Variants in CSMD1 observed in about 807,000 individuals in gnomAD.
CSMD1 encodes the protein CUB and sushi domain-containing protein 1.
A neutral mutation model predicts 417.5 loss-of-function variants in CSMD1; 213 were observed. The ratio of observed to expected loss-of-function variants is 0.51; its 90% CI spans 0.46 to 0.57. The LOEUF is 0.57. CSMD1 is among the 20% of genes least tolerant of loss of function. CSMD1 has a pLI of 0.00. For synonymous variants in CSMD1, 2,862 were observed against 1,736.8 expected, an observed-to-expected ratio of 1.65 and a Z score of -16.11; for missense variants, 6,923 against 4,529.7, an observed-to-expected ratio of 1.53 and a Z score of -15.17.
chr8:3,156,986 C>CAA (rs869173951), intron 39 of CSMD1, among the ~76,000 whole-genome samples: 2,059 of 64,272 alleles, frequency 0.032, 68 homozygotes, highest in African/African-American at 0.068. Flanking sequence ...GTTGTTTAGA[C>CAA]AAAAAAAAAA....
At chr8:4,486,505 T>C (rs1801425022) in intron 2 of CSMD1, among the ~76,000 whole-genome samples, 1 of 151,912 alleles carries the variant, frequency 6.6e-6, no homozygotes, top group Non-Finnish European at 1.5e-5. Flanking sequence ...AAATTAGTGA[T>C]GTTTATATTG....
At position 4,427,374 on chromosome 8, in the gene CSMD1, C is replaced by G. The variant is rs891725796; in HGVS notation, c.303-7309G>C. 1.1e-4 allele frequency among the ~76,000 whole-genome samples: 16 copies of G among 152,000 alleles called. No homozygotes were observed. The East Asian group carries it at 1.5e-3, about 15-fold the overall frequency. On this transcript the variant is annotated intron_variant, in intron 2 of 69. Transcript: ENST00000635120. ...GGACACGGCAGAGGGTGATCTGGAA[C>G]CAGGTGCTTTATCAACCCCTAGGTA...
At chr8:4,209,722 C>A (rs921033872) in intron 3 of CSMD1, among the ~76,000 whole-genome samples, 1 of 152,182 alleles carries the variant, frequency 6.6e-6, no homozygotes, top group African/African-American at 2.4e-5. Context: ...TTGACTGAAG[C>A]AGCACCAGAT....
At chr8:4,804,473 T>A (rs1003156820) in intron 1 of CSMD1, among the ~76,000 whole-genome samples, 6 of 148,280 alleles carry the variant, frequency 4.0e-5, no homozygotes, top group African/African-American at 1.5e-4. Context: ...TTTTTTTTTA[T>A]TTAAAAAGGG....
intron 7 of CSMD1, among the ~76,000 whole-genome samples, chr8:3,624,752 T>C (rs188629830): frequency 1.4e-3 from 216 of 152,346 alleles, no homozygotes; most frequent in African/African-American, 4.9e-3. Context: ...ACTTCAGACC[T>C]TCCTGCTTTA....
At chr8:4,604,316 T>C (rs1196072206) in intron 2 of CSMD1, among the ~76,000 whole-genome samples, 1 of 151,314 alleles carries the variant, frequency 6.6e-6, no homozygotes, top group African/African-American at 2.4e-5. Context: ...GAATATGCAT[T>C]AAATGGTTAT....
At chr8:3,921,243 C>T (rs549285075) in intron 5 of CSMD1, among the ~76,000 whole-genome samples, 5 of 152,060 alleles carry the variant, frequency 3.3e-5, no homozygotes, top group African/African-American at 9.7e-5. Context: ...ATTTATATTT[C>T]TGTAATACCT....
chr8:3,130,837 T>C (rs561041228), intron 41 of CSMD1, among the ~76,000 whole-genome samples: 3 of 152,318 alleles, frequency 2.0e-5, no homozygotes, highest in Non-Finnish European at 4.4e-5. Context: ...CTGCAGCCTC[T>C]ATGGCTGCAA....
At chr8:4,249,140 A>C (rs1317496270) in intron 3 of CSMD1, among the ~76,000 whole-genome samples, 1 of 152,220 alleles carries the variant, frequency 6.6e-6, no homozygotes, top group Non-Finnish European at 1.5e-5. Flanking sequence ...TTCGTGGGAA[A>C]ATATAATCTT....
At chr8:4,187,326 T>G (rs1200649943) in intron 3 of CSMD1, among the ~76,000 whole-genome samples, 2 of 152,072 alleles carry the variant, frequency 1.3e-5, no homozygotes, top group South Asian at 2.1e-4. Context: ...TAGGATGCAA[T>G]GGTTTTAACT....
chr8:4,382,750 C>G (rs918005396), intron 3 of CSMD1, among the ~76,000 whole-genome samples: 6 of 152,176 alleles, frequency 3.9e-5, no homozygotes, highest in African/African-American at 1.4e-4. Flanking sequence ...GGTCCATAAA[C>G]ATTCTGTGTC....
intron 4 of CSMD1, among the ~76,000 whole-genome samples, chr8:4,010,728 C>A (rs1312789128): frequency 6.6e-6 from 1 of 152,162 alleles, no homozygotes; most frequent in Non-Finnish European, 1.5e-5. Flanking sequence ...ATGTCCTCAT[C>A]TCTTGTCTTA....
At chr8:4,121,807 T>C (rs1802502630) in intron 3 of CSMD1, among the ~76,000 whole-genome samples, 1 of 152,056 alleles carries the variant, frequency 6.6e-6, no homozygotes, top group Middle Eastern at 3.2e-3. Context: ...TTTCTAATTG[T>C]AACTTAGTTC....
chr8:3,393,760 G>C (rs139871504), intron 17 of CSMD1, among the ~76,000 whole-genome samples: 6,763 of 151,336 alleles, frequency 0.045, 384 homozygotes, highest in South Asian at 0.18. Context: ...AACACCACAT[G>C]TTCTCACTCA....
chr8:3,677,979 G>A (rs1299903949), intron 7 of CSMD1, among the ~76,000 whole-genome samples: 2 of 152,078 alleles, frequency 1.3e-5, no homozygotes, highest in Non-Finnish European at 2.9e-5. Flanking sequence ...CTTGGTGCAG[G>A]GACTCACAGC....
At chr8:4,968,182 C>T (rs1188816676) in intron 1 of CSMD1, among the ~76,000 whole-genome samples, 2 of 151,970 alleles carry the variant, frequency 1.3e-5, no homozygotes, top group African/African-American at 4.8e-5. Flanking sequence ...ATAATTTTTT[C>T]CAGATAATTA....
chr8:3,746,231 T>C (rs1054498149), intron 6 of CSMD1, among the ~76,000 whole-genome samples: 3 of 152,336 alleles, frequency 2.0e-5, no homozygotes, highest in Admixed American at 2.0e-4. Flanking sequence ...AAGTTCTTCC[T>C]CCACATCACA....
intron 3 of CSMD1, among the ~76,000 whole-genome samples, chr8:4,355,429 C>T (rs1316860935): frequency 3.3e-5 from 5 of 151,944 alleles, no homozygotes; most frequent in African/African-American, 1.2e-4. Flanking sequence ...CAGGTATCTT[C>T]TTTATGTGTT....
chr8:4,595,671 G>A (rs574152960), intron 2 of CSMD1, among the ~76,000 whole-genome samples: 3 of 152,150 alleles, frequency 2.0e-5, no homozygotes, highest in Non-Finnish European at 2.9e-5. Context: ...GGAGGCTGAG[G>A]CTGGAGGATC....
Sources: allele counts gnomAD v4.1 joint callset (sites outside exome capture counted in the v4.1 genomes callset), GRCh38; gene constraint gnomAD v4.1.1; transcripts MANE v1.5; gene names NCBI Gene and HGNC (gene_info 2026-07-23, HGNC 2026-07-21).